The following TACC3 variants were observed in gnomAD, a reference collection of about 807,000 sequenced individuals.
TACC3 encodes transforming acidic coiled-coil-containing protein 3.
TACC3 carries 52 observed loss-of-function variants against 86.0 expected under a neutral mutation model. That is an observed-to-expected ratio of 0.60 (90% CI 0.48 to 0.76). TACC3 has a LOEUF of 0.76. Among genes scored for constraint, TACC3 ranks in the 30% least tolerant of loss-of-function variants. TACC3 has a pLI of 0.00. For synonymous variants in TACC3, 512 were observed against 430.0 expected, an observed-to-expected ratio of 1.19 and a Z score of -2.36; for missense variants, 1,120 against 1,070.4, an observed-to-expected ratio of 1.05 and a Z score of -0.65.
chr4:1,727,142 A>C (rs1466713675), intron 3 of TACC3, among the ~76,000 whole-genome samples: 1 of 151,774 alleles, frequency 6.6e-6, no homozygotes, highest in Non-Finnish European at 1.5e-5. Context: ...AAAAAAAAAA[A>C]CATAAAAATA....
intron 13 of TACC3, among the ~76,000 whole-genome samples, chr4:1,743,737 C>T (rs1324123968): frequency 6.6e-6 from 1 of 152,138 alleles, no homozygotes. Context: ...GAGGCTTGAC[C>T]TGTGCACACG....
At position 1,728,394 on chromosome 4, in the gene TACC3, C is replaced by G. The variant is rs200203771; in HGVS notation, c.992C>G (p.Ser331Trp). The G allele has an allele frequency of 3.5e-5, 56 of 1,613,144 alleles. No individual in the cohort carries two copies. In the East Asian group the frequency reaches 3.8e-4, roughly 11 times the overall value. The part of the protein sequence containing the change: ...EVAAGQMASS[S>W]RSGPVKLEFD... ...GCTGCAGGCCAAATGGCCAGCTCCTCGAGGAGCGGACCTGTAAAACTAGAA... is the reference window on the plus strand; with the variant it reads ...GCTGCAGGCCAAATGGCCAGCTCCTGGAGGAGCGGACCTGTAAAACTAGAA... Residue 331 changes from serine (S) to tryptophan (W), a missense_variant, in exon 4 of 16, where the codon TCG becomes TGG. Transcript: ENST00000313288.
rs754886063 is a variant in TACC3, at chr4:1,723,885, T to C, written c.305+15T>C. 1 of 1,611,916 alleles carries C rather than the reference T, an allele frequency of 6.2e-7. No individual in the cohort carries two copies. The highest frequency in any genetic ancestry group is 1.1e-5 in the South Asian group (1 of 91,008). On this transcript the variant is annotated intron_variant, in intron 3 of 15. Coordinates refer to ENST00000313288, the MANE Select transcript of TACC3 (RefSeq NM_006342.3). ...CAGAAAGAGAAGTAAGTGTTGGTGC[T>C]GCTGGACATGCTGGAGCTTCACCCT...
At chr4:1,732,253 TAA>T in intron 6 of TACC3, among the ~76,000 whole-genome samples, 2 of 151,538 alleles carry the variant, frequency 1.3e-5, no homozygotes, top group Non-Finnish European at 2.9e-5. Context: ...TGCAGTTAAA[TAA>T]ATACGGTTTG....
At chr4:1,724,021 T>G in intron 3 of TACC3, 151 bp downstream of exon 3, 1 of 846,832 alleles carries the variant, frequency 1.2e-6, no homozygotes, top group Non-Finnish European at 1.8e-6. Context: ...CACGCTGGAG[T>G]GCAGTGGCGC....
Position 1,727,749 on chromosome 4 carries a change from G to A in TACC3, c.347G>A (p.Gly116Glu), listed in dbSNP as rs775255456. ...IKEVDAKTTH[G>E]ILQKPVEADT... The stretch of plus-strand genomic sequence containing the variant: ...GAAGTGGATGCCAAAACTACTCATG[G>A]AATTCTACAGAAACCAGTGGAGGCT... The change falls in exon 4 of 16, where the codon GGA (glycine) becomes GAA (glutamate). Residue 116 changes from glycine (G) to glutamate (E), a missense_variant. Transcript: ENST00000313288. The A allele has an allele frequency of 3.0e-5, 48 of 1,600,736 alleles. No individual in the cohort carries two copies. Among genetic ancestry groups the A allele is most frequent in the Non-Finnish European group, 3.8e-5 (44 of 1,172,946 alleles).
rs1415465652 is a variant in TACC3, at chr4:1,735,612, G to A, written c.1645-119G>A. 1 of 841,470 alleles carries A rather than the reference G, an allele frequency of 1.2e-6. No homozygotes were observed. The highest frequency in any genetic ancestry group is 2.0e-6 in the Non-Finnish European group (1 of 505,332). The allele number at this position is 841,470 out of a possible 1,614,324, so 52.1% of individuals were successfully genotyped here. On this transcript the variant is annotated intron_variant, in intron 7 of 15. Coordinates refer to ENST00000313288, the MANE Select transcript of TACC3 (RefSeq NM_006342.3). The surrounding 1 kb of genome is among the most constrained non-coding windows in gnomAD (Gnocchi z 4.2). ...TCTCGGGCAGGGTTGTGGGTGACCGGGGGTGGGAGTGTGCGGGTGACCGGG... is the reference window on the plus strand; with the variant it reads ...TCTCGGGCAGGGTTGTGGGTGACCGAGGGTGGGAGTGTGCGGGTGACCGGG...
chr4:1,724,267 C>T (rs535593865), intron 3 of TACC3, among the ~76,000 whole-genome samples: 78 of 151,294 alleles, frequency 5.2e-4, no homozygotes, highest in African/African-American at 1.8e-3. Flanking sequence ...CCACCACGCC[C>T]GGCCGGCCTT....
intron 10 of TACC3, 102 bp from the exon 11 acceptor site, chr4:1,739,600 T>G: frequency 8.8e-7 from 1 of 1,130,330 alleles, no homozygotes; most frequent in Non-Finnish European, 1.3e-6. Flanking sequence ...TCTGGGACAT[T>G]GCTCCAGGGA....
chr4:1,720,832 G>A (rs1387279147), upstream of TACC3: 2 of 1,578,830 alleles, frequency 1.3e-6, no homozygotes, highest in Admixed American at 1.8e-5. This position sits in a 1 kb window ranked among gnomAD's most constrained non-coding sequence, Gnocchi z 4.4. Context: ...CCTCGGGGCT[G>A]TCCATCGCGC....
intron 3 of TACC3, among the ~76,000 whole-genome samples, chr4:1,724,185 G>A (rs1387484058): frequency 6.6e-6 from 1 of 151,300 alleles, no homozygotes; most frequent in Non-Finnish European, 1.5e-5. Context: ...TAGCCAGGAT[G>A]GTCTTGATCT....
chr4:1,742,439 C>T (rs1441420109), intron 13 of TACC3, among the ~76,000 whole-genome samples: 1 of 152,252 alleles, frequency 6.6e-6, no homozygotes, highest in Non-Finnish European at 1.5e-5. Flanking sequence ...CTCATGGAGG[C>T]TCCTTTGCAC....
chr4:1,723,667 C>T (rs771318636), intron 2 of TACC3, 61 bp from the exon 3 acceptor site: 1 of 1,611,824 alleles, frequency 6.2e-7, no homozygotes, highest in East Asian at 2.2e-5. Flanking sequence ...CAGGACACTG[C>T]TGGTGTGGCT....
At chr4:1,722,208 T>G (rs1717428668) in intron 1 of TACC3, among the ~76,000 whole-genome samples, 1 of 152,118 alleles carries the variant, frequency 6.6e-6, no homozygotes, top group African/African-American at 2.4e-5. Context: ...CGGGCCTCCA[T>G]AGTCAGTAAA....
chr4:1,730,877 G>C lies in TACC3; in HGVS notation c.1386-10G>C, dbSNP rs116328109. Reference sequence around the variant, plus strand: ...GGGGGCATGGGCCTCTGCTGACTCTGTCTCCCCAGGCAGCTGCATTCAGCC... The same window carrying C: ...GGGGGCATGGGCCTCTGCTGACTCTCTCTCCCCAGGCAGCTGCATTCAGCC... On this transcript the variant is annotated splice_polypyrimidine_tract_variant and intron_variant, in intron 4 of 15. Transcript: ENST00000313288. 5,676 of 1,612,842 alleles carry C rather than the reference G, an allele frequency of 3.5e-3. 199 individuals are homozygous for C. In the African/African-American group the frequency reaches 0.067, roughly 19 times the overall value.
intron 10 of TACC3, chr4:1,737,973 G>GA: frequency 1.8e-6 from 1 of 547,812 alleles, no homozygotes; most frequent in Non-Finnish European, 3.5e-6. Flanking sequence ...TTGGCCTCTG[G>GA]TGGCCTTGCA....
In TACC3 at chr4:1,735,255, A is replaced by C. The variant is rs1560312329; in HGVS notation, c.1592-18A>C. ...CCTGGTGAGGGGCGATGGCGGCGGCATGATTCACTCCTCTCAGTTCTAGGC... is the reference window on the plus strand; with the variant it reads ...CCTGGTGAGGGGCGATGGCGGCGGCCTGATTCACTCCTCTCAGTTCTAGGC... On this transcript the variant is annotated intron_variant, in intron 6 of 15. Transcript: ENST00000313288. The surrounding 1 kb of genome is among the most constrained non-coding windows in gnomAD (Gnocchi z 4.2). The C allele has an allele frequency of 6.2e-7, 1 of 1,613,792 alleles. No homozygotes were observed. Among genetic ancestry groups the C allele is most frequent in the Non-Finnish European group, 8.5e-7 (1 of 1,180,002 alleles).
intron 10 of TACC3, among the ~76,000 whole-genome samples, chr4:1,738,991 C>T (rs1380951701): frequency 6.6e-6 from 1 of 151,988 alleles, no homozygotes; most frequent in South Asian, 2.1e-4. Flanking sequence ...GCGAAGAGAA[C>T]CAGGAATTTT....
At chr4:1,739,799 G>C (rs1246655861) in intron 11 of TACC3, 21 bp downstream of exon 11, 1 of 1,574,864 alleles carries the variant, frequency 6.3e-7, no homozygotes, top group Non-Finnish European at 8.6e-7. Context: ...CCCGTCTCCT[G>C]TCCTCCCCGT....
Sources: gnomAD v4.1 joint callset for allele counts (sites outside exome capture counted in the v4.1 genomes callset) on GRCh38, gnomAD v4.1.1 for gene constraint, Gnocchi (gnomAD v3.1) non-coding constraint, MANE v1.5 for transcripts, NCBI Gene and HGNC (gene_info 2026-07-23, HGNC 2026-07-21) for gene names.